The following STAM variants were observed in gnomAD, a reference collection of about 807,000 sequenced individuals.
STAM encodes signal transducing adapter molecule 1.
STAM carries 16 observed loss-of-function variants against 63.4 expected under a neutral mutation model. That is an observed-to-expected ratio of 0.25 (90% CI 0.17 to 0.38). The LOEUF (loss-of-function observed/expected upper bound fraction) is 0.38. Ranked by LOEUF, STAM falls within the 10% of genes least tolerant of loss-of-function variation. STAM has a pLI of 1.00. For synonymous variants in STAM, 238 were observed against 223.9 expected, an observed-to-expected ratio of 1.06 and a Z score of -0.56; for missense variants, 636 against 657.1, an observed-to-expected ratio of 0.97 and a Z score of 0.35.
chr10:17,689,567 G>A (rs1454046795), intron 5 of STAM, among the ~76,000 whole-genome samples: 4 of 152,154 alleles, frequency 2.6e-5, no homozygotes, highest in African/African-American at 9.7e-5. Context: ...TTACTACTCA[G>A]TATAGTTTCT....
intron 1 of STAM, among the ~76,000 whole-genome samples, chr10:17,646,814 A>G (rs999115498): frequency 7.9e-5 from 12 of 152,206 alleles, no homozygotes; most frequent in Non-Finnish European, 1.8e-4. Context: ...TGTATAGAAT[A>G]CACTTAACAA....
intron 1 of STAM, among the ~76,000 whole-genome samples, chr10:17,645,880 C>T (rs1167565562): frequency 6.6e-6 from 1 of 152,168 alleles, no homozygotes; most frequent in Non-Finnish European, 1.5e-5. Context: ...ATACTTGCTT[C>T]TTCTGTTTAC....
intron 2 of STAM, among the ~76,000 whole-genome samples, chr10:17,665,119 TTTAGTCAGAAC>T (rs1834323531): frequency 6.6e-6 from 1 of 151,950 alleles, no homozygotes; most frequent in Non-Finnish European, 1.5e-5. Flanking sequence ...TGAAGTTTCA[TTTAGTCAGAAC>T]TGTGACCAGG....
At chr10:17,652,523 C>T (rs1439624662) in intron 1 of STAM, among the ~76,000 whole-genome samples, 5 of 152,142 alleles carry the variant, frequency 3.3e-5, no homozygotes, top group Non-Finnish European at 7.4e-5. Context: ...TAGCACTCAA[C>T]TATGATAGTA....
rs782270914 is a variant in STAM, at chr10:17,708,783, C to T, written c.1217C>T (p.Ala406Val). The T allele has an allele frequency of 1.9e-6, 3 of 1,612,460 alleles. No homozygotes were observed. In the South Asian group the frequency reaches 3.3e-5, roughly 18 times the overall value. The change falls in exon 13 of 14, where the codon GCA (alanine) becomes GTA (valine). Residue 406 changes from alanine to valine, a missense_variant. Physicochemically the swap from Ala to Val is moderately conservative, Grantham distance 64. Coordinates refer to ENST00000377524, the MANE Select transcript of STAM (RefSeq NM_003473.4). ...SSGVSGSQVYAGPPPSGAYLV... is the reference protein window; with the variant it reads ...SSGVSGSQVYVGPPPSGAYLV... The stretch of plus-strand genomic sequence containing the variant: ...TCTCTTTAACCATCGCAGGTGTATG[C>T]AGGGCCTCCTCCAAGTGGTGCCTAC...
At chr10:17,651,132 T>G (rs919970751) in intron 1 of STAM, among the ~76,000 whole-genome samples, 5 of 151,310 alleles carry the variant, frequency 3.3e-5, no homozygotes, top group African/African-American at 1.2e-4. Context: ...TTTGAACTTT[T>G]CAGCAGGGCA....
intron 4 of STAM, among the ~76,000 whole-genome samples, chr10:17,687,291 A>G (rs1232430967): frequency 1.3e-5 from 2 of 152,126 alleles, no homozygotes; most frequent in Non-Finnish European, 2.9e-5. Flanking sequence ...CCTGGCCAAC[A>G]TGGTAAAACC....
intron 12 of STAM, 121 bp from the exon 13 acceptor site, chr10:17,708,655 G>T: frequency 9.5e-7 from 1 of 1,048,290 alleles, no homozygotes; most frequent in Non-Finnish European, 1.3e-6. Context: ...AAATAACTTT[G>T]AAAAAAGGAT....
chr10:17,672,472 A>AT (rs1554824184), intron 2 of STAM, among the ~76,000 whole-genome samples: 2 of 152,168 alleles, frequency 1.3e-5, no homozygotes, highest in Non-Finnish European at 2.9e-5. Flanking sequence ...TTCCCAAAAA[A>AT]CTTGTGCCTG....
chr10:17,672,696 A>G (rs1370261689), intron 2 of STAM, among the ~76,000 whole-genome samples: 1 of 152,216 alleles, frequency 6.6e-6, no homozygotes, highest in Non-Finnish European at 1.5e-5. Context: ...TATTGGACAC[A>G]TTTGAGAGAC....
intron 4 of STAM, 122 bp downstream of exon 4, chr10:17,685,049 A>T: frequency 1.4e-6 from 1 of 703,544 alleles, no homozygotes; most frequent in Non-Finnish European, 2.3e-6. Flanking sequence ...GGCTGTGTCT[A>T]TCCAGTATAT....
At chr10:17,648,377 A>G (rs1399695236) in intron 1 of STAM, among the ~76,000 whole-genome samples, 2 of 152,216 alleles carry the variant, frequency 1.3e-5, no homozygotes. Flanking sequence ...TGAACCAATC[A>G]GCAGGACATG....
chr10:17,674,432 A>G (rs782616531), intron 2 of STAM, among the ~76,000 whole-genome samples: 2 of 152,160 alleles, frequency 1.3e-5, no homozygotes, highest in Admixed American at 6.5e-5. Flanking sequence ...TGAAGGCTTC[A>G]CTGGGATGGA....
intron 6 of STAM, among the ~76,000 whole-genome samples, chr10:17,694,712 T>C (rs1554827214): frequency 6.6e-6 from 1 of 151,980 alleles, no homozygotes; most frequent in African/African-American, 2.4e-5. Flanking sequence ...TGATGATTAT[T>C]TTGAAAAAAA....
At chr10:17,683,496 T>C (rs1261933610) in intron 2 of STAM, among the ~76,000 whole-genome samples, 3 of 152,174 alleles carry the variant, frequency 2.0e-5, no homozygotes, top group African/African-American at 7.2e-5. Flanking sequence ...AAAATATTTG[T>C]AGTGGTGGCT....
At chr10:17,674,859 A>G (rs1834780156) in intron 2 of STAM, among the ~76,000 whole-genome samples, 1 of 152,224 alleles carries the variant, frequency 6.6e-6, no homozygotes. Context: ...AAAACAATGA[A>G]AAATACCATT....
chr10:17,714,978 A>G lies in STAM; in HGVS notation c.*198A>G. ...GGTTCTTCCCCCCCCGCCCCTGCAG[A>G]GGAATGAAACTACTTACAACATTTA... On this transcript the variant is annotated 3_prime_UTR_variant, in exon 14 of 14. Transcript: ENST00000377524. 2 of 579,572 alleles carry G rather than the reference A, an allele frequency of 3.5e-6. 1 individual carries two copies. Among genetic ancestry groups the G allele is most frequent in the South Asian group, 4.1e-5 (2 of 49,312 alleles). The allele number at this position is 579,572 out of a possible 1,614,324, so 35.9% of individuals were successfully genotyped here. A position where few individuals can be genotyped will look rare whatever the true frequency, so the allele number is the denominator to read the frequency against.
chr10:17,714,244 G>T (rs1836698457), intron 13 of STAM, among the ~76,000 whole-genome samples: 1 of 152,044 alleles, frequency 6.6e-6, no homozygotes, highest in Non-Finnish European at 1.5e-5. Flanking sequence ...CACGATACAT[G>T]TGTTTGTTAC....
At chr10:17,708,357 A>G (rs782064131) in intron 12 of STAM, among the ~76,000 whole-genome samples, 21 of 152,222 alleles carry the variant, frequency 1.4e-4, no homozygotes, top group Admixed American at 1.1e-3. Context: ...CTATTGTTCA[A>G]TAAACTGCAG....
Sources: gnomAD v4.1 joint callset for allele counts (sites outside exome capture counted in the v4.1 genomes callset) on GRCh38, gnomAD v4.1.1 for gene constraint, MANE v1.5 for transcripts, NCBI Gene and HGNC (gene_info 2026-07-23, HGNC 2026-07-21) for gene names.